The following POTEE variants were observed in gnomAD, a reference collection of about 807,000 sequenced individuals.
POTEE encodes ANKRD26-like family C member 1A.
A neutral mutation model predicts 74.2 loss-of-function variants in POTEE; 21 were observed. The observed-to-expected ratio is 0.28, with a 90% CI of 0.20 to 0.41. POTEE has a LOEUF of 0.41. POTEE is among the 10% of genes least tolerant of loss of function. The pLI is 1.00. For missense variants in POTEE, 525 were observed against 1,158.6 expected, an observed-to-expected ratio of 0.45 and a Z score of 7.94; for synonymous variants, 211 against 432.8, an observed-to-expected ratio of 0.49 and a Z score of 6.36.
In POTEE at chr2:131,223,587, C is replaced by G. The variant is rs1230162783; in HGVS notation, c.522-9C>G. The G allele has an allele frequency of 3.1e-6, 5 of 1,612,206 alleles. No individual in the cohort carries two copies. The Admixed American group carries it at 6.7e-5, about 22-fold the overall frequency. On this transcript the variant is annotated splice_polypyrimidine_tract_variant and intron_variant, in intron 4 of 17. Coordinates refer to ENST00000683005, the MANE Select transcript of POTEE (RefSeq NM_001083538.3). ...TACAATTTCCTAAAAAGTCTTGTCACTCTCATAGGACTGCTCTACATCTGG... is the reference window on the plus strand; with the variant it reads ...TACAATTTCCTAAAAAGTCTTGTCAGTCTCATAGGACTGCTCTACATCTGG...
intron 9 of POTEE, among the ~76,000 whole-genome samples, chr2:131,235,762 C>A (rs1239902339): frequency 1.5e-5 from 2 of 137,708 alleles, no homozygotes; most frequent in Non-Finnish European, 3.0e-5. Flanking sequence ...CCACTGCACT[C>A]CAGCCTGGTG....
At chr2:131,212,891 C>T (rs1200719694) in intron 2 of POTEE, among the ~76,000 whole-genome samples, 1 of 151,124 alleles carries the variant, frequency 6.6e-6, no homozygotes, top group Non-Finnish European at 1.5e-5. Context: ...AGAGTATTGC[C>T]ATCTGCCTGA....
In POTEE at chr2:131,218,300, C is replaced by G. The variant is rs763424802; in HGVS notation, c.-93-10C>G. 63 of 1,582,692 alleles carry G rather than the reference C, an allele frequency of 4.0e-5. No homozygotes were observed. The highest frequency in any genetic ancestry group is 2.6e-4 in the Admixed American group (15 of 58,522). On this transcript the variant is annotated splice_polypyrimidine_tract_variant and intron_variant, in intron 3 of 17. Coordinates refer to ENST00000683005, the MANE Select transcript of POTEE (RefSeq NM_001083538.3). ...GGTTTTGGCTGGGATTGACATTTCT[C>G]TTCAAACAGATTGGAAACCCGGAGT...
At chr2:131,257,069 C>T in intron 16 of POTEE, among the ~76,000 whole-genome samples, 1 of 130,726 alleles carries the variant, frequency 7.6e-6, no homozygotes, top group African/African-American at 2.9e-5. Context: ...TCCTCTTTCT[C>T]AGCAGGGATT....
At chr2:131,228,537 A>G (rs1700851316) in intron 8 of POTEE, among the ~76,000 whole-genome samples, 156 bp downstream of exon 8, 1 of 149,178 alleles carries the variant, frequency 6.7e-6, no homozygotes, top group Admixed American at 6.6e-5. Flanking sequence ...GAAATCAGAC[A>G]AAAAGCAAGA....
Position 131,264,094 on chromosome 2 carries a change from T to G in POTEE, c.2639T>G (p.Leu880Arg), listed in dbSNP as rs1467394975. The change falls in exon 18 of 18, where the codon CTG becomes CGG. Residue 880 changes from leucine to arginine, a missense_variant. Coordinates refer to ENST00000683005, the MANE Select transcript of POTEE (RefSeq NM_001083538.3). ...ALPHATLRLD[L>R]AGRELPDYLM... ...CCCCATGCCACCCTGCGCCTAGACC[T>G]GGCTGGGCGGGAACTGCCTGACTAC... is the stretch of plus-strand genomic sequence containing the variant. 6.2e-7 allele frequency: 1 copy of G among 1,614,148 alleles called. No homozygotes were observed. The highest frequency in any genetic ancestry group is 1.3e-5 in the African/African-American group (1 of 74,948).
intron 9 of POTEE, among the ~76,000 whole-genome samples, chr2:131,233,619 T>TA (rs967568119): frequency 7.7e-6 from 1 of 129,550 alleles, no homozygotes; most frequent in African/African-American, 2.9e-5. Flanking sequence ...TTTTTGGTGT[T>TA]ATGCTTTTTT....
At chr2:131,223,174 C>T (rs189924333) in intron 4 of POTEE, among the ~76,000 whole-genome samples, 2,084 of 146,044 alleles carry the variant, frequency 0.014, 53 homozygotes, top group African/African-American at 0.049. Flanking sequence ...AAATATCTAA[C>T]AATTATTGAG....
At chr2:131,219,237 A>G (rs1388678868) in intron 4 of POTEE, among the ~76,000 whole-genome samples, 1 of 151,152 alleles carries the variant, frequency 6.6e-6, no homozygotes, top group Non-Finnish European at 1.5e-5. Context: ...ACAATGTTCT[A>G]TACATTATAG....
At chr2:131,211,765 C>G (rs1700364895) in intron 2 of POTEE, among the ~76,000 whole-genome samples, 1 of 151,344 alleles carries the variant, frequency 6.6e-6, no homozygotes, top group Non-Finnish European at 1.5e-5. Context: ...ACAGTGTTGG[C>G]CAGGATGGTC....
Position 131,218,429 on chromosome 2 carries a change from G to T in POTEE, c.27G>T (p.Pro9=), listed in dbSNP as rs1207844338. The change falls in exon 4 of 18, where the codon CCG becomes CCT. Residue 9 remains proline, a synonymous_variant. Transcript: ENST00000683005. MVVEVDSM[P]AASSVKKPFG... The stretch of plus-strand genomic sequence containing the variant: ...TGGTGGTTGAGGTTGATTCCATGCC[G>T]GCTGCCTCTTCTGTGAAGAAGCCAT... 1 of 1,613,118 alleles carries T rather than the reference G, an allele frequency of 6.2e-7. No homozygotes were observed. The highest frequency in any genetic ancestry group is 2.2e-5 in the East Asian group (1 of 44,808).
At chr2:131,219,838 T>C (rs562479156) in intron 4 of POTEE, among the ~76,000 whole-genome samples, 56 of 152,296 alleles carry the variant, frequency 3.7e-4, no homozygotes, top group Admixed American at 3.7e-3. Context: ...ACATGCTGTC[T>C]TTTATTATTG....
rs555611496 is a variant in POTEE, at chr2:131,231,327, T to C, written c.1126+421T>C. Among the ~76,000 whole-genome samples, 15 of 151,068 alleles carry C rather than the reference T, an allele frequency of 9.9e-5. No individual in the cohort carries two copies. In the East Asian group the frequency reaches 2.0e-3, roughly 20 times the overall value. On this transcript the variant is annotated intron_variant, in intron 9 of 17. Coordinates refer to ENST00000683005, the MANE Select transcript of POTEE (RefSeq NM_001083538.3). ...ACTGGAGGCAGAGTACAGGCGGTAA[T>C]ATGAGCCATAAGGAGTGGCTGTAAA...
chr2:131,236,259 T>A, intron 9 of POTEE, among the ~76,000 whole-genome samples: 1 of 152,132 alleles, frequency 6.6e-6, no homozygotes, highest in Non-Finnish European at 1.5e-5. Context: ...TTAACCTTGC[T>A]CTGGGATGTC....
At chr2:131,217,799 A>T (rs1481124688) in intron 3 of POTEE, among the ~76,000 whole-genome samples, 116 bp downstream of exon 3, 1 of 149,908 alleles carries the variant, frequency 6.7e-6, no homozygotes, top group East Asian at 2.0e-4. Flanking sequence ...CACGCCCGGC[A>T]GCAGCTTGCT....
chr2:131,239,599 T>TA (rs1182017040), intron 12 of POTEE, among the ~76,000 whole-genome samples, 155 bp downstream of exon 12: 3 of 110,358 alleles, frequency 2.7e-5, no homozygotes, highest in South Asian at 4.4e-4. Flanking sequence ...AACAATGAGT[T>TA]ACCATTTTTC....
chr2:131,210,539 A>G (rs562998287), intron 1 of POTEE, among the ~76,000 whole-genome samples: 1 of 152,048 alleles, frequency 6.6e-6, no homozygotes, highest in East Asian at 1.9e-4. Flanking sequence ...TCTCTTTTCC[A>G]GACTCCAGAG....
rs1700789999 is a variant in POTEE, at chr2:131,226,714, T to A, written c.811-109T>A. 6 of 1,538,424 alleles carry A rather than the reference T, an allele frequency of 3.9e-6. No homozygotes were observed. The South Asian group carries it at 4.7e-5, about 12-fold the overall frequency. ...GAGAAGGAAGCGAGTACATTTTATT[T>A]ACTTTCTATGCGTGTAAGTCCATAA... is the stretch of plus-strand genomic sequence containing the variant. On this transcript the variant is annotated intron_variant, in intron 6 of 17. Transcript: ENST00000683005.
intron 9 of POTEE, among the ~76,000 whole-genome samples, chr2:131,233,776 T>C (rs1257063140): frequency 1.3e-5 from 2 of 150,516 alleles, no homozygotes; most frequent in Non-Finnish European, 1.5e-5. Flanking sequence ...ATCGTCAATA[T>C]GATTTAGTGA....
Sources: allele counts gnomAD v4.1 joint callset (sites outside exome capture counted in the v4.1 genomes callset), GRCh38; gene constraint gnomAD v4.1.1; transcripts MANE v1.5; gene names NCBI Gene and HGNC (gene_info 2026-07-23, HGNC 2026-07-21).